MMS22L: variants seen among roughly 807,000 people sequenced by gnomAD.
MMS22L encodes protein MMS22-like.
In MMS22L, 74 loss-of-function variants were observed where a neutral mutation model predicts 159.1. The observed-to-expected ratio is 0.47, with a 90% CI of 0.39 to 0.56. MMS22L has a LOEUF of 0.56. Among genes scored for constraint, MMS22L ranks in the 20% least tolerant of loss-of-function variants. The pLI is 0.00. For missense variants in MMS22L, 1,351 were observed against 1,422.1 expected (o/e 0.95, Z 0.80); for synonymous variants, 517 against 506.9 (o/e 1.02, Z -0.27).
intron 14 of MMS22L, among the ~76,000 whole-genome samples, chr6:97,228,556 T>C (rs1810497934): frequency 6.6e-6 from 1 of 152,216 alleles, no homozygotes; most frequent in Admixed American, 6.5e-5. Flanking sequence ...ACATTCAGCC[T>C]GTGTATAAGA....
intron 14 of MMS22L, among the ~76,000 whole-genome samples, chr6:97,217,693 G>C (rs944388293): frequency 3.9e-5 from 6 of 152,124 alleles, no homozygotes; most frequent in Non-Finnish European, 8.8e-5. Flanking sequence ...AAAACCAGAA[G>C]ACTAACAAGG....
intron 10 of MMS22L, among the ~76,000 whole-genome samples, chr6:97,250,323 C>G (rs547974705): frequency 1.8e-4 from 27 of 152,290 alleles, no homozygotes; most frequent in African/African-American, 6.3e-4. Flanking sequence ...TTCCAGCAGA[C>G]TAGGTAGTCT....
At chr6:97,248,500 C>T (rs1317881441) in intron 10 of MMS22L, among the ~76,000 whole-genome samples, 2 of 152,130 alleles carry the variant, frequency 1.3e-5, no homozygotes, top group African/African-American at 2.4e-5. Context: ...TTTTGACATA[C>T]ACAAATAAAA....
chr6:97,258,922 T>C (rs1020608974), intron 9 of MMS22L: 5 of 152,156 alleles, frequency 3.3e-5, no homozygotes, highest in African/African-American at 1.2e-4. Flanking sequence ...TTCCATTGAG[T>C]GCACCTTTCA....
Position 97,145,263 on chromosome 6 carries a change from G to C in MMS22L, c.*1543C>G, listed in dbSNP as rs890265259. 1.3e-5 allele frequency: 2 copies of C among 152,144 alleles called. No homozygotes were observed. Among genetic ancestry groups the C allele is most frequent in the Non-Finnish European group, 2.9e-5 (2 of 68,020 alleles). The allele number at this position is 152,144 out of a possible 1,614,324, so 9.4% of individuals were successfully genotyped here. A position where few individuals can be genotyped will look rare whatever the true frequency, so the allele number is the denominator to read the frequency against. On this transcript the variant is annotated 3_prime_UTR_variant, in exon 25 of 25. Transcript: ENST00000683635. Reference sequence around the variant, plus strand: ...TTATTCCCTTTGATGAAGCTGATTTGAGAGAAGGACCATTTATATGTTATG... The same window carrying C: ...TTATTCCCTTTGATGAAGCTGATTTCAGAGAAGGACCATTTATATGTTATG...
chr6:97,262,328 T>A (rs1814564058), intron 9 of MMS22L, among the ~76,000 whole-genome samples: 1 of 152,020 alleles, frequency 6.6e-6, no homozygotes, highest in African/African-American at 2.4e-5. Context: ...CTTGCAAACC[T>A]ACAAAAATAG....
Position 97,233,858 on chromosome 6 carries a change from C to T in MMS22L, c.1302+3G>A. 1 of 1,598,058 alleles carries T rather than the reference C, an allele frequency of 6.3e-7. No individual in the cohort carries two copies. Among genetic ancestry groups the T allele is most frequent in the South Asian group, 1.1e-5 (1 of 87,264 alleles). ...GGAGCAAATTCCTATTCTATTCACT[C>T]ACCAGGTTCTTACTATAATATTCCC... On this transcript the variant is annotated splice_donor_region_variant and intron_variant, in intron 12 of 24. Transcript: ENST00000683635.
intron 11 of MMS22L, among the ~76,000 whole-genome samples, chr6:97,243,660 T>C (rs1170108025): frequency 6.6e-6 from 1 of 152,070 alleles, no homozygotes; most frequent in Non-Finnish European, 1.5e-5. Flanking sequence ...AAGAACCTTG[T>C]TTTGTCCTAT....
At chr6:97,224,672 A>G (rs1329372166) in intron 14 of MMS22L, among the ~76,000 whole-genome samples, 1 of 151,956 alleles carries the variant, frequency 6.6e-6, no homozygotes, top group Non-Finnish European at 1.5e-5. Context: ...AGAATTATAC[A>G]AATAGTGGTA....
chr6:97,214,013 A>T (rs187826548), intron 14 of MMS22L, among the ~76,000 whole-genome samples: 56 of 152,320 alleles, frequency 3.7e-4, no homozygotes, highest in African/African-American at 1.3e-3. Context: ...TCTGTTGGAT[A>T]TATGTAATTG....
chr6:97,234,076 A>G (rs1358513075), intron 11 of MMS22L, 96 bp from the exon 12 acceptor site: 10 of 1,345,176 alleles, frequency 7.4e-6, no homozygotes, highest in East Asian at 2.5e-5. Flanking sequence ...GCAGCTAAAA[A>G]GAAAATAAAT....
intron 9 of MMS22L, among the ~76,000 whole-genome samples, chr6:97,258,318 C>T (rs1252123792): frequency 6.6e-6 from 1 of 152,148 alleles, no homozygotes; most frequent in Non-Finnish European, 1.5e-5. Flanking sequence ...GTTTCTGGTA[C>T]AAGATGTTTC....
chr6:97,202,990 CA>C (rs932854461), intron 14 of MMS22L, among the ~76,000 whole-genome samples: 3 of 151,538 alleles, frequency 2.0e-5, no homozygotes, highest in Non-Finnish European at 4.4e-5. Flanking sequence ...TTTGCCACAT[CA>C]AAAAAAATAA....
At chr6:97,168,574 G>T (rs552008214) in intron 19 of MMS22L, among the ~76,000 whole-genome samples, 43 of 152,128 alleles carry the variant, frequency 2.8e-4, no homozygotes, top group African/African-American at 1.0e-3. Flanking sequence ...ATGATCAAAA[G>T]AAATGCTCAT....
chr6:97,159,948 G>GTTTTTTTTT (rs368455553), intron 22 of MMS22L, among the ~76,000 whole-genome samples: 433 of 97,002 alleles, frequency 4.5e-3, no homozygotes, highest in Middle Eastern at 0.015. Context: ...TATCATTTCT[G>GTTTTTTTTT]TTTTTTTTTT....
chr6:97,258,856 C>A (rs550256860), intron 9 of MMS22L: 2 of 152,216 alleles, frequency 1.3e-5, no homozygotes, highest in Admixed American at 1.3e-4. Context: ...ATTGCCAATC[C>A]CCTCAAAGAG....
At chr6:97,212,073 T>C (rs751332415) in intron 14 of MMS22L, among the ~76,000 whole-genome samples, 7 of 152,212 alleles carry the variant, frequency 4.6e-5, no homozygotes, top group Non-Finnish European at 7.3e-5. Context: ...GTCTCCAACA[T>C]CTGTCTATTA....
intron 14 of MMS22L, among the ~76,000 whole-genome samples, chr6:97,228,665 C>T (rs1207081148): frequency 6.6e-6 from 1 of 152,050 alleles, no homozygotes; most frequent in Non-Finnish European, 1.5e-5. Flanking sequence ...TAAACAAATC[C>T]AAAATCCAAA....
chr6:97,158,203 T>G (rs556643999), intron 22 of MMS22L, among the ~76,000 whole-genome samples: 4 of 152,164 alleles, frequency 2.6e-5, no homozygotes, highest in Non-Finnish European at 5.9e-5. Flanking sequence ...ATTTGATTCT[T>G]CTCTCTTTTC....
Sources: allele counts gnomAD v4.1 joint callset (sites outside exome capture counted in the v4.1 genomes callset), GRCh38; gene constraint gnomAD v4.1.1; transcripts MANE v1.5; gene names NCBI Gene and HGNC (gene_info 2026-07-23, HGNC 2026-07-21).